The following FBXW7 variants were observed in gnomAD, a reference collection of about 807,000 sequenced individuals.
FBXW7 encodes the protein F-box/WD repeat-containing protein 7.
A neutral mutation model predicts 86.3 loss-of-function variants in FBXW7; 11 were observed. That is an observed-to-expected ratio of 0.13 (90% confidence interval 0.08 to 0.21). The LOEUF (loss-of-function observed/expected upper bound fraction) is 0.21, where lower values mean the gene tolerates loss of function less well. Among genes scored for constraint, FBXW7 ranks in the 10% least tolerant of loss-of-function variants. The probability of loss-of-function intolerance (pLI) is 1.00; values close to 1 mark genes in which losing one functional copy is unlikely to be tolerated. For synonymous variants in FBXW7, 313 were observed against 297.9 expected (o/e 1.05, Z -0.52); for missense variants, 488 against 847.4 (o/e 0.58, Z 5.27).
chr4:152,495,239 C>G (rs1051126341), intron 2 of FBXW7, among the ~76,000 whole-genome samples: 1 of 152,012 alleles, frequency 6.6e-6, no homozygotes, highest in African/African-American at 2.4e-5. Context: ...TCGAGATCAC[C>G]CTGTCCTACA....
chr4:152,471,579 G>A (rs1579293472), intron 2 of FBXW7, among the ~76,000 whole-genome samples: 1 of 151,588 alleles, frequency 6.6e-6, no homozygotes, highest in Non-Finnish European at 1.5e-5. Context: ...GAAAGAGAGA[G>A]GGAAAGAGGG....
At chr4:152,448,171 CACA>C (rs952989657) in intron 2 of FBXW7, among the ~76,000 whole-genome samples, 1 of 152,192 alleles carries the variant, frequency 6.6e-6, no homozygotes, top group Non-Finnish European at 1.5e-5. Flanking sequence ...AGGCTGAAAT[CACA>C]ACATCCATTA....
At chr4:152,463,786 C>T (rs1350243147) in intron 2 of FBXW7, among the ~76,000 whole-genome samples, 1 of 152,064 alleles carries the variant, frequency 6.6e-6, no homozygotes, top group Admixed American at 6.6e-5. Flanking sequence ...ATAATGAACA[C>T]GAGACCATCT....
intron 2 of FBXW7, among the ~76,000 whole-genome samples, chr4:152,423,579 G>A (rs1194411596): frequency 6.6e-6 from 1 of 152,062 alleles, no homozygotes; most frequent in Non-Finnish European, 1.5e-5. Flanking sequence ...ATGTCCATCA[G>A]AGATAAACCA....
chr4:152,413,131 A>C (rs565853827), intron 2 of FBXW7, among the ~76,000 whole-genome samples: 2 of 152,082 alleles, frequency 1.3e-5, no homozygotes, highest in Non-Finnish European at 2.9e-5. Context: ...TCTTTTTCAG[A>C]GAAAACCTTT....
intron 2 of FBXW7, among the ~76,000 whole-genome samples, chr4:152,480,420 C>A (rs966987114): frequency 4.6e-5 from 7 of 152,086 alleles, no homozygotes; most frequent in Non-Finnish European, 8.8e-5. Context: ...CTCCCTATTC[C>A]CTAAGACAAA....
chr4:152,336,884 A>T (rs1005953027), intron 7 of FBXW7, among the ~76,000 whole-genome samples: 2 of 151,992 alleles, frequency 1.3e-5, no homozygotes, highest in East Asian at 3.8e-4. Context: ...TGATAATCTT[A>T]AAAAAATGAC....
intron 2 of FBXW7, among the ~76,000 whole-genome samples, chr4:152,454,264 T>TCCCCCCC (rs1742204904): frequency 8.5e-6 from 1 of 118,294 alleles, no homozygotes; most frequent in African/African-American, 3.5e-5. Context: ...CCCCCCCCCT[T>TCCCCCCC]TTTTTTTTTT....
At chr4:152,512,650 C>T (rs1211098558) in intron 2 of FBXW7, among the ~76,000 whole-genome samples, 1 of 152,160 alleles carries the variant, frequency 6.6e-6, no homozygotes, top group African/African-American at 2.4e-5. Context: ...AGGCCATGTA[C>T]TGTATGACTC....
At chr4:152,359,613 AAAAAC>A (rs200795248) in intron 4 of FBXW7, among the ~76,000 whole-genome samples, 266 of 152,042 alleles carry the variant, frequency 1.7e-3, no homozygotes, top group African/African-American at 2.3e-3. Context: ...AAAAACTACC[AAAAAC>A]AAAACAAAAC....
intron 4 of FBXW7, among the ~76,000 whole-genome samples, chr4:152,405,510 G>A (rs1268403786): frequency 6.6e-6 from 1 of 152,094 alleles, no homozygotes; most frequent in African/African-American, 2.4e-5. Context: ...TTTATCAGTG[G>A]GAAATGGGGC....
chr4:152,527,444 AGCAT>A (rs1337491813), intron 2 of FBXW7, among the ~76,000 whole-genome samples: 1 of 152,128 alleles, frequency 6.6e-6, no homozygotes, highest in Non-Finnish European at 1.5e-5. Context: ...CCCCCTAAAA[AGCAT>A]GCAATCCTAA....
intron 2 of FBXW7, among the ~76,000 whole-genome samples, chr4:152,461,810 G>A (rs571645601): frequency 8.3e-4 from 126 of 152,266 alleles, no homozygotes; most frequent in African/African-American, 2.8e-3. Context: ...GGCTCGTATG[G>A]ACTCAAACTG....
intron 6 of FBXW7, among the ~76,000 whole-genome samples, chr4:152,342,483 G>A (rs1240512678): frequency 6.6e-6 from 1 of 152,164 alleles, no homozygotes; most frequent in Non-Finnish European, 1.5e-5. Flanking sequence ...TTTTAAACAA[G>A]CAACTCATCC....
At chr4:152,525,659 C>A (rs1160433350) in intron 2 of FBXW7, among the ~76,000 whole-genome samples, 2 of 152,270 alleles carry the variant, frequency 1.3e-5, no homozygotes, top group Admixed American at 6.5e-5. Context: ...TGCACAGTAT[C>A]CCATGGTGTG....
intron 10 of FBXW7, 97 bp from the exon 11 acceptor site, chr4:152,328,486 T>C (rs1729260311): frequency 7.8e-6 from 6 of 768,098 alleles, no homozygotes; most frequent in Non-Finnish European, 7.9e-6. Context: ...AAGTTACTTA[T>C]TTAATTTGTT....
At chr4:152,514,754 C>T (rs1748309189) in intron 2 of FBXW7, among the ~76,000 whole-genome samples, 1 of 152,124 alleles carries the variant, frequency 6.6e-6, no homozygotes, top group Non-Finnish European at 1.5e-5. Context: ...TCCTGAAGCC[C>T]TCACCAGAAA....
In FBXW7 at chr4:152,445,900, ACT is replaced by A. The variant is rs1421191393; in HGVS notation, c.-119-33373_-119-33372del. Among the ~76,000 whole-genome samples the A allele has an allele frequency of 1.5e-5, 2 of 131,900 alleles. 1 individual carries two copies. Among genetic ancestry groups the A allele is most frequent in the South Asian group, 5.0e-4 (2 of 3,972 alleles). The allele number at this position is 131,900 out of a possible 152,430, so 86.5% of individuals were successfully genotyped here. On this transcript the variant is annotated intron_variant, in intron 2 of 13. Transcript: ENST00000281708. ...ACTCCAACCTGGGTGACACAGCAAG[ACT>A]CTGTCTTTAAAAAAAAAAAAAAAAA...
At chr4:152,526,214 A>G (rs1044965888) in intron 2 of FBXW7, among the ~76,000 whole-genome samples, 40 of 152,184 alleles carry the variant, frequency 2.6e-4, no homozygotes, top group African/African-American at 9.7e-4. Context: ...ATAGTTTGCA[A>G]GTATTTTCTT....
Sources: allele counts gnomAD v4.1 joint callset (sites outside exome capture counted in the v4.1 genomes callset), GRCh38; gene constraint gnomAD v4.1.1; transcripts MANE v1.5; gene names NCBI Gene and HGNC (gene_info 2026-07-23, HGNC 2026-07-21).